TTC39C: variants seen among roughly 807,000 people sequenced by gnomAD.
TTC39C encodes the protein tetratricopeptide repeat protein 39C.
TTC39C carries 33 observed loss-of-function variants against 76.3 expected under a neutral mutation model. The observed-to-expected ratio is 0.43, with a 90% CI of 0.33 to 0.58. The LOEUF is 0.58. Ranked by LOEUF, TTC39C falls within the 20% of genes least tolerant of loss-of-function variation. The pLI is 0.04. For synonymous variants in TTC39C, 254 were observed against 260.6 expected (o/e 0.97, Z 0.24); for missense variants, 595 against 701.4 (o/e 0.85, Z 1.71).
chr18:24,111,694 G>C (rs1037755884), intron 6 of TTC39C, among the ~76,000 whole-genome samples: 4 of 151,824 alleles, frequency 2.6e-5, no homozygotes, highest in African/African-American at 9.7e-5. Flanking sequence ...CAGGAGTTTG[G>C]GACCAGCATG....
intron 1 of TTC39C, among the ~76,000 whole-genome samples, chr18:24,035,046 A>ATT (rs71266988): frequency 1.6e-4 from 24 of 150,128 alleles, no homozygotes; most frequent in African/African-American, 2.7e-4. Flanking sequence ...TTATTTCTTT[A>ATT]TTTTTTTTTT....
At chr18:24,002,797 A>C (rs2083324226) in intron 1 of TTC39C, among the ~76,000 whole-genome samples, 1 of 152,178 alleles carries the variant, frequency 6.6e-6, no homozygotes, top group African/African-American at 2.4e-5. Context: ...ATCCACCCTC[A>C]GGCTGTACCT....
In TTC39C at chr18:24,097,851, G is replaced by A. The variant is rs1044519246; in HGVS notation, c.984+14770G>A. 3.9e-5 allele frequency among the ~76,000 whole-genome samples: 6 copies of A among 152,194 alleles called. No individual in the cohort carries two copies. The East Asian group carries it at 1.2e-3, about 29-fold the overall frequency. On this transcript the variant is annotated intron_variant, in intron 6 of 13. Transcript: ENST00000317571. ...ATGCAGAATTTATGTTGCTCTGATA[G>A]GGGCTCTTTTCAAGTTGATGTCTTA...
chr18:24,002,134 G>A (rs2083318522), intron 1 of TTC39C, among the ~76,000 whole-genome samples: 1 of 152,156 alleles, frequency 6.6e-6, no homozygotes, highest in Non-Finnish European at 1.5e-5. Flanking sequence ...TTGTGGGGCT[G>A]TCAGCCTCCT....
chr18:24,091,160 T>C (rs1388022280), intron 6 of TTC39C, among the ~76,000 whole-genome samples: 2 of 152,214 alleles, frequency 1.3e-5, no homozygotes, highest in Admixed American at 6.5e-5. Context: ...GGGCAAAGAA[T>C]AGTCTTTTCA....
chr18:24,058,711 GT>G (rs1453440009), intron 1 of TTC39C, among the ~76,000 whole-genome samples: 3 of 152,044 alleles, frequency 2.0e-5, no homozygotes, highest in Non-Finnish European at 4.4e-5. Flanking sequence ...AGTTACTAGA[GT>G]AGGCATACGT....
upstream of TTC39C, among the ~76,000 whole-genome samples, chr18:24,011,571 C>T (rs1447497300): frequency 6.6e-6 from 1 of 152,192 alleles, no homozygotes; most frequent in African/African-American, 2.4e-5. Context: ...AACTTCTCTA[C>T]ACCAATCAAT....
chr18:24,134,255 C>CTTTTTTTTTTTT lies in TTC39C; in HGVS notation c.*1682_*1683insTTTTTTTTTTTT, dbSNP rs1568450608. On this transcript the variant is annotated 3_prime_UTR_variant, in exon 14 of 14. Transcript: ENST00000317571. ...ATTGGTGCCCAAAAATATTGGACAT[C>CTTTTTTTTTTTT]TGTTTTTTGTTTTTTTTTTTTTTTT... 1 of 46,708 alleles carries CTTTTTTTTTTTT rather than the reference C, an allele frequency of 2.1e-5. No individual in the cohort carries two copies. Among genetic ancestry groups the CTTTTTTTTTTTT allele is most frequent in the African/African-American group, 8.3e-5 (1 of 12,012 alleles). 2.9% of individuals were successfully genotyped at this position (46,708 alleles called of 1,614,324 possible).
chr18:24,087,671 G>A (rs890970438), intron 6 of TTC39C, among the ~76,000 whole-genome samples: 1 of 147,498 alleles, frequency 6.8e-6, no homozygotes, highest in African/African-American at 2.5e-5. Context: ...TGCAACCTCC[G>A]CCTCCCGGGT....
chr18:24,050,447 G>A (rs1452883844), intron 1 of TTC39C, among the ~76,000 whole-genome samples: 1 of 151,766 alleles, frequency 6.6e-6, no homozygotes, highest in African/African-American at 2.4e-5. Context: ...ACCCATGCCT[G>A]TAGTCCCAAC....
At position 24,134,157 on chromosome 18, in the gene TTC39C, A is replaced by G. The variant is rs905876202; in HGVS notation, c.*1583A>G. ...GATGTGAATTCCGTGTGGGTTTTAG[A>G]TAATAGTAAGAGAGAAGAGATTGCT... On this transcript the variant is annotated 3_prime_UTR_variant, in exon 14 of 14. Transcript: ENST00000317571. 1.3e-5 allele frequency: 2 copies of G among 154,120 alleles called. No homozygotes were observed. The highest frequency in any genetic ancestry group is 1.1e-3 in the Middle Eastern group (2 of 1,846). 9.5% of individuals were successfully genotyped at this position (154,120 alleles called of 1,614,324 possible). A position where few individuals can be genotyped will look rare whatever the true frequency, so the allele number is the denominator to read the frequency against.
chr18:24,005,465 C>A (rs1164227383), intron 1 of TTC39C, among the ~76,000 whole-genome samples: 1 of 152,166 alleles, frequency 6.6e-6, no homozygotes, highest in Non-Finnish European at 1.5e-5. Context: ...CACTGCTCTG[C>A]ACCCTGTGGT....
intron 1 of TTC39C, among the ~76,000 whole-genome samples, chr18:24,021,131 G>T (rs1196296927): frequency 6.6e-6 from 1 of 152,184 alleles, no homozygotes; most frequent in Non-Finnish European, 1.5e-5. Context: ...AGGACTCAGG[G>T]AGAAGAGAGA....
At position 24,130,285 on chromosome 18, in the gene TTC39C, C is replaced by A. The variant is rs202203552; in HGVS notation, c.1519-28C>A. 2.3e-4 allele frequency: 293 copies of A among 1,276,234 alleles called. 1 individual carries two copies. In the South Asian group the frequency reaches 2.7e-3, roughly 12 times the overall value. 79.1% of individuals were successfully genotyped at this position (1,276,234 alleles called of 1,614,324 possible). ...CTTATGCTAAGTAGGAAAATGAATTCATCCAATAACATTTGCATTCCTTTC... is the reference window on the plus strand; with the variant it reads ...CTTATGCTAAGTAGGAAAATGAATTAATCCAATAACATTTGCATTCCTTTC... On this transcript the variant is annotated intron_variant, in intron 11 of 13. Coordinates refer to ENST00000317571, the MANE Select transcript of TTC39C (RefSeq NM_001135993.2).
At chr18:24,011,824 G>C (rs2083395688), upstream of TTC39C, among the ~76,000 whole-genome samples, 1 of 151,674 alleles carries the variant, frequency 6.6e-6, no homozygotes, top group Non-Finnish European at 1.5e-5. Context: ...CACTCTCTCT[G>C]TCTCTCAACT....
intron 1 of TTC39C, among the ~76,000 whole-genome samples, chr18:23,999,061 C>T (rs113095384): frequency 2.5e-4 from 38 of 152,200 alleles, no homozygotes; most frequent in Non-Finnish European, 2.6e-4. Context: ...ATTTTCGTAA[C>T]ATACCCAGCT....
intron 6 of TTC39C, among the ~76,000 whole-genome samples, chr18:24,105,929 T>C (rs2084740634): frequency 6.6e-6 from 1 of 152,184 alleles, no homozygotes; most frequent in African/African-American, 2.4e-5. Context: ...CTTCTGCGGC[T>C]TGCTGGCAAG....
chr18:24,077,606 T>C (rs1298680770), intron 4 of TTC39C, among the ~76,000 whole-genome samples: 1 of 152,208 alleles, frequency 6.6e-6, no homozygotes, highest in Non-Finnish European at 1.5e-5. Flanking sequence ...TATAGTTCTT[T>C]GGCGTTCCTC....
At chr18:24,079,656 T>A (rs2084351882) in intron 4 of TTC39C, among the ~76,000 whole-genome samples, 2 of 152,066 alleles carry the variant, frequency 1.3e-5, no homozygotes, top group East Asian at 3.8e-4. Flanking sequence ...AATTGGGAGG[T>A]CTTTACATTT....
Sources: allele counts gnomAD v4.1 joint callset (sites outside exome capture counted in the v4.1 genomes callset), GRCh38; gene constraint gnomAD v4.1.1; transcripts MANE v1.5; gene names NCBI Gene and HGNC (gene_info 2026-07-23, HGNC 2026-07-21).